Variants in NCOA6 observed in about 807,000 individuals in gnomAD.
NCOA6 encodes the protein nuclear receptor coactivator 6, also known as NRC RAP250.
NCOA6 carries 49 observed loss-of-function variants against 171.4 expected under a neutral mutation model. That is an observed-to-expected ratio of 0.29 (90% CI 0.23 to 0.36). NCOA6 has a LOEUF of 0.36. Among genes scored for constraint, NCOA6 ranks in the 10% least tolerant of loss-of-function variants. The pLI is 1.00. For missense variants in NCOA6, 2,248 were observed against 2,554.5 expected, an observed-to-expected ratio of 0.88 and a Z score of 2.59; for synonymous variants, 910 against 927.5, an observed-to-expected ratio of 0.98 and a Z score of 0.34.
rs761975649 is a variant in NCOA6, at chr20:34,742,308, A to C, written c.3948T>G (p.Ser1316=). 3 of 1,614,224 alleles carry C rather than the reference A, an allele frequency of 1.9e-6. No homozygotes were observed. In the East Asian group the frequency reaches 6.7e-5, roughly 36 times the overall value. ...DSVVVNSGKQ[S]NSGATKRASP... is the part of the protein sequence containing the mutation. ...TTGCCCGTTTTGTTGCTCCAGAATT[A>C]GACTGCTTTCCAGAATTCACTACCA... The change falls in exon 11 of 15, where the codon TCT becomes TCG. Residue 1316 remains serine (S), a synonymous_variant. Transcript: ENST00000359003.
At chr20:34,784,095 T>A (rs1262249129) in intron 2 of NCOA6, among the ~76,000 whole-genome samples, 1 of 152,150 alleles carries the variant, frequency 6.6e-6, no homozygotes, top group Non-Finnish European at 1.5e-5. Flanking sequence ...ATTAGGTTGG[T>A]AGGATCATTG....
At chr20:34,728,123 G>C (rs1276073413) in intron 13 of NCOA6, among the ~76,000 whole-genome samples, 1 of 152,074 alleles carries the variant, frequency 6.6e-6, no homozygotes, top group African/African-American at 2.4e-5. Flanking sequence ...TAAGATGTCT[G>C]AAAATTGCTA....
intron 8 of NCOA6, among the ~76,000 whole-genome samples, chr20:34,752,240 G>C (rs1401472327): frequency 1.3e-5 from 2 of 152,130 alleles, no homozygotes; most frequent in African/African-American, 2.4e-5. Flanking sequence ...ATGAAGGCAG[G>C]GGGCAAACTA....
Position 34,750,105 on chromosome 20 carries a change from T to C in NCOA6, c.2090A>G (p.Gln697Arg). 8 of 1,614,166 alleles carry C rather than the reference T, an allele frequency of 5.0e-6. No individual in the cohort carries two copies. Among genetic ancestry groups the C allele is most frequent in the Non-Finnish European group, 6.8e-6 (8 of 1,180,022 alleles). Reference sequence around the variant, plus strand: ...AACCTGCCCCTGAGGCCCCATCATCTGGTTATGTGGCGCCATCATTTGTGG... The same window carrying C: ...AACCTGCCCCTGAGGCCCCATCATCCGGTTATGTGGCGCCATCATTTGTGG... ...QGPQMMAPHNQMMGPQGQVLL... is the reference protein window; with the variant it reads ...QGPQMMAPHNRMMGPQGQVLL... The change falls in exon 9 of 15, where the codon CAG becomes CGG. Residue 697 changes from glutamine to arginine, a missense_variant. Physicochemically the swap from Gln to Arg is conservative, Grantham distance 43 (BLOSUM62 1). Coordinates refer to ENST00000359003, the MANE Select transcript of NCOA6 (RefSeq NM_014071.5).
chr20:34,792,095 C>T (rs1380674746), intron 2 of NCOA6, among the ~76,000 whole-genome samples: 1 of 152,098 alleles, frequency 6.6e-6, no homozygotes, highest in Non-Finnish European at 1.5e-5. Context: ...GTTGAGTTTG[C>T]AACTTTCAAC....
At chr20:34,823,579 C>T (rs573313326) in intron 1 of NCOA6, among the ~76,000 whole-genome samples, 1 of 152,192 alleles carries the variant, frequency 6.6e-6, no homozygotes, top group Non-Finnish European at 1.5e-5. Context: ...GAATTCTTCT[C>T]TAACATGATC....
chr20:34,740,051 T>C (rs1025518315), intron 11 of NCOA6, among the ~76,000 whole-genome samples: 2 of 152,132 alleles, frequency 1.3e-5, no homozygotes, highest in South Asian at 2.1e-4. Flanking sequence ...TTAGTACAGA[T>C]GCAGTTTCAC....
chr20:34,715,509 T>A, intron 14 of NCOA6, 144 bp from the exon 15 acceptor site: 1 of 641,768 alleles, frequency 1.6e-6, no homozygotes, highest in Non-Finnish European at 2.9e-6. Context: ...ATGGAGAGAG[T>A]CACAGGCTTT....
chr20:34,759,019 T>C (rs1265412346), intron 5 of NCOA6, 86 bp from the exon 6 acceptor site: 20 of 1,444,588 alleles, frequency 1.4e-5, no homozygotes, highest in Non-Finnish European at 1.9e-5. Context: ...TGAAAAGATA[T>C]GGAAAATTTG....
At position 34,757,878 on chromosome 20, in the gene NCOA6, G is replaced by A. The variant is rs147774831; in HGVS notation, c.870C>T (p.Pro290=). The A allele has an allele frequency of 2.5e-6, 4 of 1,613,764 alleles. No homozygotes were observed. Among genetic ancestry groups the A allele is most frequent in the Non-Finnish European group, 3.4e-6 (4 of 1,179,976 alleles). The part of the protein sequence containing the change: ...QQQQQQLQAR[P]PQQHQQQQPQ... ...GCTGTTGCTGCTGATGTTGCTGTGG[G>A]GGTCTTGCCTGCAACTGTTGTTGCT... The change falls in exon 7 of 15, where the codon CCC becomes CCT. Residue 290 remains proline, a synonymous_variant. Coordinates refer to ENST00000359003, the MANE Select transcript of NCOA6 (RefSeq NM_014071.5).
In NCOA6 at chr20:34,727,555, A is replaced by C. The variant is rs886395420; in HGVS notation, c.6000-148T>G. ...GAAAGCAGTTCAACCTGGGGTAATAAGCACTATTGCCTTCTATGTTACTGG... is the reference window on the plus strand; with the variant it reads ...GAAAGCAGTTCAACCTGGGGTAATACGCACTATTGCCTTCTATGTTACTGG... On this transcript the variant is annotated intron_variant, in intron 13 of 14. Transcript: ENST00000359003. 1.2e-5 allele frequency: 9 copies of C among 764,976 alleles called. No homozygotes were observed. The African/African-American group carries it at 1.6e-4, about 13-fold the overall frequency. 47.4% of individuals were successfully genotyped at this position (764,976 alleles called of 1,614,324 possible). A position where few individuals can be genotyped will look rare whatever the true frequency, so the allele number is the denominator to read the frequency against.
In NCOA6 at chr20:34,750,265, G is replaced by T. The variant is rs755570742; in HGVS notation, c.1930C>A (p.Pro644Thr). ...QMVQQQGTLN[P>T]QNPMILSRAQ... ...CTTGAAAGGATCATAGGGTTCTGAG[G>T]GTTCAAGGTTCCTTGTTGCTGGACC... The change falls in exon 9 of 15, where the codon CCT becomes ACT. Residue 644 changes from proline (P) to threonine (T), a missense_variant. Transcript: ENST00000359003. 4 of 1,611,560 alleles carry T rather than the reference G, an allele frequency of 2.5e-6. No homozygotes were observed. The highest frequency in any genetic ancestry group is 3.3e-4 in the Middle Eastern group (2 of 6,042).
At position 34,740,745 on chromosome 20, in the gene NCOA6, G is replaced by A. The variant is rs769625568; in HGVS notation, c.5511C>T (p.Gly1837=). 10 of 1,614,214 alleles carry A rather than the reference G, an allele frequency of 6.2e-6. No homozygotes were observed. The East Asian group carries it at 6.7e-5, about 11-fold the overall frequency. ...ATTGTTCTTCCCCTTTCTCAAGAGA[G>A]CCTGTAACTTTCTTACATGCCTTGG... The part of the protein sequence containing the change: ...LLTKACKKVT[G]SLEKGEEQYG... The change falls in exon 11 of 15, where the codon GGC becomes GGT. Residue 1837 remains glycine (G), a synonymous_variant. Transcript: ENST00000359003.
rs967107088 is a variant in NCOA6, at chr20:34,751,326, C to T, written c.1676-807G>A. The stretch of plus-strand genomic sequence containing the variant: ...CGGAGCTTGCAGTGAGCCGAGATTG[C>T]GCCACTGCAGTCCGCAGTCCAGCCT... On this transcript the variant is annotated intron_variant, in intron 8 of 14. Transcript: ENST00000359003. Among the ~76,000 whole-genome samples the T allele has an allele frequency of 3.0e-5, 4 of 131,690 alleles. No homozygotes were observed. In the East Asian group the frequency reaches 6.9e-4, roughly 23 times the overall value. The allele number at this position is 131,690 out of a possible 152,430, so 86.4% of individuals were successfully genotyped here. A position where few individuals can be genotyped will look rare whatever the true frequency, so the allele number is the denominator to read the frequency against.
chr20:34,785,036 G>A (rs549087131), intron 2 of NCOA6, among the ~76,000 whole-genome samples: 2 of 151,880 alleles, frequency 1.3e-5, no homozygotes, highest in African/African-American at 2.4e-5. Flanking sequence ...AGCTGAGATC[G>A]CACCACTGCA....
chr20:34,791,157 C>T (rs2077869575), intron 2 of NCOA6, among the ~76,000 whole-genome samples: 1 of 152,176 alleles, frequency 6.6e-6, no homozygotes, highest in Non-Finnish European at 1.5e-5. Flanking sequence ...GAACTGTTCA[C>T]TTTAAAATGG....
chr20:34,812,747 A>T (rs1030129904), intron 1 of NCOA6, among the ~76,000 whole-genome samples: 1 of 152,154 alleles, frequency 6.6e-6, no homozygotes, highest in Non-Finnish European at 1.5e-5. Flanking sequence ...CAGGCGTGGT[A>T]GCTCACGCCT....
At chr20:34,789,549 G>GA (rs2077799239) in intron 2 of NCOA6, among the ~76,000 whole-genome samples, 2 of 152,214 alleles carry the variant, frequency 1.3e-5, no homozygotes, top group South Asian at 4.1e-4. Context: ...GAGGTGGGCA[G>GA]ACGGCTTGAG....
intron 4 of NCOA6, among the ~76,000 whole-genome samples, chr20:34,773,183 G>C (rs1455744416): frequency 1.3e-5 from 2 of 152,164 alleles, no homozygotes; most frequent in African/African-American, 2.4e-5. Context: ...CTGAGTACTT[G>C]TTGAGTTGAG....
Sources: allele counts gnomAD v4.1 joint callset (sites outside exome capture counted in the v4.1 genomes callset), GRCh38; gene constraint gnomAD v4.1.1; transcripts MANE v1.5; gene names NCBI Gene and HGNC (gene_info 2026-07-23, HGNC 2026-07-21).